Variants in AGPAT4 observed in about 807,000 individuals in gnomAD.
The protein encoded by AGPAT4 is 1-acylglycerol-3-phosphate O-acyltransferase 4.
In AGPAT4, 15 loss-of-function variants were observed where a neutral mutation model predicts 48.0. The observed-to-expected ratio is 0.31, with a 90% CI of 0.21 to 0.48. AGPAT4 has a LOEUF of 0.48. AGPAT4 is among the 20% of genes least tolerant of loss of function. The pLI, the probability that AGPAT4 is intolerant of heterozygous loss-of-function variation, is 0.99. For missense variants in AGPAT4, 314 were observed against 482.5 expected (o/e 0.65, Z 3.27); for synonymous variants, 178 against 198.7 (o/e 0.90, Z 0.88).
rs3839453 is a variant in AGPAT4, at chr6:161,219,946, GCAGA to G, written c.178+12086_178+12089del. Among the ~76,000 whole-genome samples, 111 of 143,846 alleles carry G rather than the reference GCAGA, an allele frequency of 7.7e-4. No homozygotes were observed. Among genetic ancestry groups the G allele is most frequent in the Middle Eastern group, 3.6e-3 (1 of 280 alleles). The allele number at this position is 143,846 out of a possible 152,430, so 94.4% of individuals were successfully genotyped here. On this transcript the variant is annotated intron_variant, in intron 2 of 8. Transcript: ENST00000320285. The surrounding 1 kb of genome is among the most constrained non-coding windows in gnomAD (Gnocchi z 4.9). ...GGCAGGCAGGCAGGCAGGCAGGCAG[GCAGA>G]CAGACAGACAGACAGACAGGCAGGC...
In AGPAT4 at chr6:161,242,614, A is replaced by G. The variant is rs1171437836; in HGVS notation, c.-89-10312T>C. Among the ~76,000 whole-genome samples, 1 of 152,182 alleles carries G rather than the reference A, an allele frequency of 6.6e-6. No homozygotes were observed. Among genetic ancestry groups the G allele is most frequent in the East Asian group, 1.9e-4 (1 of 5,186 alleles). On this transcript the variant is annotated intron_variant, in intron 1 of 8. Coordinates refer to ENST00000320285, the MANE Select transcript of AGPAT4 (RefSeq NM_020133.3). This position sits in a 1 kb window ranked among gnomAD's most constrained non-coding sequence, Gnocchi z 5.0. ...CGAGGGTGTATGAGCTATTTTAAAC[A>G]ATGCTCAGCAGAGGCATATTTTAAA...
chr6:161,165,469 T>C lies in AGPAT4; in HGVS notation c.348+779A>G. 1.6e-6 allele frequency: 1 copy of C among 627,492 alleles called. No individual in the cohort carries two copies. The highest frequency in any genetic ancestry group is 1.9e-5 in the African/African-American group (1 of 52,050). The allele number at this position is 627,492 out of a possible 1,614,324, so 38.9% of individuals were successfully genotyped here. On this transcript the variant is annotated intron_variant, in intron 3 of 8. Coordinates refer to ENST00000320285, the MANE Select transcript of AGPAT4 (RefSeq NM_020133.3). This position sits in a 1 kb window ranked among gnomAD's most constrained non-coding sequence, Gnocchi z 5.5. ...GCCCCCGTATCTGTTCTACAGGGCA[T>C]TGTTCCCAGGTGCAAAACCTGATCT...
chr6:161,252,363 G>A (rs1179546227), intron 1 of AGPAT4, among the ~76,000 whole-genome samples: 1 of 152,188 alleles, frequency 6.6e-6, no homozygotes, highest in East Asian at 1.9e-4. Context: ...GATGAATTCT[G>A]TGTGTCTTGA....
At chr6:161,203,782 A>C (rs1162604504) in intron 2 of AGPAT4, among the ~76,000 whole-genome samples, 1 of 152,102 alleles carries the variant, frequency 6.6e-6, no homozygotes, top group East Asian at 1.9e-4. Flanking sequence ...ACTGGTTTGA[A>C]GTCCTCTTGT....
chr6:161,271,854 G>A (rs916189467), intron 1 of AGPAT4, among the ~76,000 whole-genome samples: 1 of 152,186 alleles, frequency 6.6e-6, no homozygotes, highest in African/African-American at 2.4e-5. Flanking sequence ...GCTTTGGAAG[G>A]TCATGTGGCA....
Position 161,147,531 on chromosome 6 carries a change from T to C in AGPAT4, c.768-932A>G, listed in dbSNP as rs975760221. 2.0e-5 allele frequency among the ~76,000 whole-genome samples: 3 copies of C among 152,220 alleles called. No homozygotes were observed. Among genetic ancestry groups the C allele is most frequent in the African/African-American group, 7.2e-5 (3 of 41,462 alleles). On this transcript the variant is annotated intron_variant, in intron 6 of 8. Coordinates refer to ENST00000320285, the MANE Select transcript of AGPAT4 (RefSeq NM_020133.3). This position sits in a 1 kb window ranked among gnomAD's most constrained non-coding sequence, Gnocchi z 4.8. The stretch of plus-strand genomic sequence containing the variant: ...GTTTATCTATCACACTAGAGTCTGT[T>C]AAGAGATAAAGGATGGGATTCCATC...
chr6:161,263,623 T>C (rs1345667205), intron 1 of AGPAT4, among the ~76,000 whole-genome samples: 1 of 152,184 alleles, frequency 6.6e-6, no homozygotes, highest in African/African-American at 2.4e-5. Flanking sequence ...TAGGCACATT[T>C]AAAATATCTC....
At position 161,139,332 on chromosome 6, in the gene AGPAT4, G is replaced by C. The variant is rs1204682710; in HGVS notation, c.1042+90C>G. On this transcript the variant is annotated intron_variant, in intron 8 of 8. Coordinates refer to ENST00000320285, the MANE Select transcript of AGPAT4 (RefSeq NM_020133.3). This position sits in a 1 kb window ranked among gnomAD's most constrained non-coding sequence, Gnocchi z 9.1. ...CCTGCTCCTCATCCACGGCACAACT[G>C]CCTATACAGATGGCCTTCGTCCCAG... is the stretch of plus-strand genomic sequence containing the variant. 2 of 1,405,986 alleles carry C rather than the reference G, an allele frequency of 1.4e-6. No homozygotes were observed. Among genetic ancestry groups the C allele is most frequent in the East Asian group, 4.6e-5 (2 of 43,558 alleles). 87.1% of individuals were successfully genotyped at this position (1,405,986 alleles called of 1,614,324 possible).
In AGPAT4 at chr6:161,242,590, G is replaced by A. The variant is rs1782524328; in HGVS notation, c.-89-10288C>T. On this transcript the variant is annotated intron_variant, in intron 1 of 8. Transcript: ENST00000320285. The surrounding 1 kb of genome is among the most constrained non-coding windows in gnomAD (Gnocchi z 5.0). Reference sequence around the variant, plus strand: ...CTGGCTAGATGCATTTCCAACAACCGAGGGTGTATGAGCTATTTTAAACAA... The same window carrying A: ...CTGGCTAGATGCATTTCCAACAACCAAGGGTGTATGAGCTATTTTAAACAA... 6.6e-6 allele frequency among the ~76,000 whole-genome samples: 1 copy of A among 152,112 alleles called. No individual in the cohort carries two copies. Among genetic ancestry groups the A allele is most frequent in the South Asian group, 2.1e-4 (1 of 4,826 alleles).
rs1781715506 is a variant in AGPAT4, at chr6:161,218,434, G to T, written c.178+13602C>A. On this transcript the variant is annotated intron_variant, in intron 2 of 8. Coordinates refer to ENST00000320285, the MANE Select transcript of AGPAT4 (RefSeq NM_020133.3). The surrounding 1 kb of genome is among the most constrained non-coding windows in gnomAD (Gnocchi z 4.7). ...CTGGCATGATGGTCTGACTAAGTGGGGAAATCACAGCAAGAATACCTTTAC... is the reference window on the plus strand; with the variant it reads ...CTGGCATGATGGTCTGACTAAGTGGTGAAATCACAGCAAGAATACCTTTAC... 6.6e-6 allele frequency among the ~76,000 whole-genome samples: 1 copy of T among 152,104 alleles called. No individual in the cohort carries two copies. Among genetic ancestry groups the T allele is most frequent in the Non-Finnish European group, 1.5e-5 (1 of 68,030 alleles).
chr6:161,199,267 C>A (rs1781155283), intron 2 of AGPAT4, among the ~76,000 whole-genome samples: 2 of 152,146 alleles, frequency 1.3e-5, no homozygotes, highest in Admixed American at 1.3e-4. Flanking sequence ...TCTTGTCATG[C>A]CCGCCCCTCC....
At chr6:161,156,957 A>G (rs147390683) in intron 3 of AGPAT4, among the ~76,000 whole-genome samples, 2,165 of 152,346 alleles carry the variant, frequency 0.014, 45 homozygotes, top group Middle Eastern at 0.065. Flanking sequence ...AGTTAATTTA[A>G]TATCTATAGA....
chr6:161,170,485 A>G (rs867031765), intron 2 of AGPAT4, among the ~76,000 whole-genome samples: 12 of 127,184 alleles, frequency 9.4e-5, no homozygotes, highest in African/African-American at 2.4e-4. Flanking sequence ...ACACACACAC[A>G]CACACACACA....
Position 161,254,166 on chromosome 6 carries a change from T to A in AGPAT4, c.-90+19772A>T, listed in dbSNP as rs1386268445. ...CTTGGTCAATATATTTAACTTTTTT[T>A]AAAAAAAGAAAAACTTTTCTACTGC... On this transcript the variant is annotated intron_variant, in intron 1 of 8. Transcript: ENST00000320285. The surrounding 1 kb of genome is among the most constrained non-coding windows in gnomAD (Gnocchi z 5.9). Among the ~76,000 whole-genome samples the A allele has an allele frequency of 6.6e-6, 1 of 152,160 alleles. No individual in the cohort carries two copies. Among genetic ancestry groups the A allele is most frequent in the African/African-American group, 2.4e-5 (1 of 41,448 alleles).
At chr6:161,176,695 G>A (rs989136694) in intron 2 of AGPAT4, among the ~76,000 whole-genome samples, 4 of 152,118 alleles carry the variant, frequency 2.6e-5, no homozygotes, top group African/African-American at 9.7e-5. Context: ...GATGTTAGCT[G>A]GTTATTTTGC....
Position 161,238,087 on chromosome 6 carries a change from T to TGG in AGPAT4, c.-89-5787_-89-5786dup, listed in dbSNP as rs1334546638. The stretch of plus-strand genomic sequence containing the variant: ...GGGGGTGGGGGGGTAATGGGGGGGT[T>TGG]GGGGGGCGGGAGGCAGAATGCAGCA... On this transcript the variant is annotated intron_variant, in intron 1 of 8. Coordinates refer to ENST00000320285, the MANE Select transcript of AGPAT4 (RefSeq NM_020133.3). The surrounding 1 kb of genome is among the most constrained non-coding windows in gnomAD (Gnocchi z 5.2). 3.3e-4 allele frequency among the ~76,000 whole-genome samples: 1 copy of TGG among 3,066 alleles called. No homozygotes were observed. Among genetic ancestry groups the TGG allele is most frequent in the Non-Finnish European group, 6.4e-4 (1 of 1,562 alleles). The allele number at this position is 3,066 out of a possible 152,430, so 2.0% of individuals were successfully genotyped here.
rs1401744826 is a variant in AGPAT4, at chr6:161,219,921, G to GGCAC, written c.178+12114_178+12115insGTGC. The stretch of plus-strand genomic sequence containing the variant: ...CAGGCAGGCAGGCAGGCAGGCGGCA[G>GGCAC]GCAGGCAGGCAGGCAGGCAGGCAGG... On this transcript the variant is annotated intron_variant, in intron 2 of 8. Transcript: ENST00000320285. The surrounding 1 kb of genome is among the most constrained non-coding windows in gnomAD (Gnocchi z 4.9). 4.4e-5 allele frequency among the ~76,000 whole-genome samples: 5 copies of GGCAC among 114,580 alleles called. No homozygotes were observed. Among genetic ancestry groups the GGCAC allele is most frequent in the Non-Finnish European group, 8.7e-5 (5 of 57,778 alleles). 75.2% of individuals were successfully genotyped at this position (114,580 alleles called of 152,430 possible). A position where few individuals can be genotyped will look rare whatever the true frequency, so the allele number is the denominator to read the frequency against.
At position 161,196,025 on chromosome 6, in the gene AGPAT4, C is replaced by T. The variant is rs1236892528; in HGVS notation, c.179-29608G>A. On this transcript the variant is annotated intron_variant, in intron 2 of 8. Coordinates refer to ENST00000320285, the MANE Select transcript of AGPAT4 (RefSeq NM_020133.3). The surrounding 1 kb of genome is among the most constrained non-coding windows in gnomAD (Gnocchi z 4.3). ...TCACGTGCTGGATATTCTAGAGCCC[C>T]TGAAGGTGCCAGGACTTTAGGATTT... 1.3e-5 allele frequency among the ~76,000 whole-genome samples: 2 copies of T among 152,204 alleles called. No individual in the cohort carries two copies. The highest frequency in any genetic ancestry group is 2.9e-5 in the Non-Finnish European group (2 of 68,046).
rs1258429425 is a variant in AGPAT4, at chr6:161,184,999, T to C, written c.179-18582A>G. Among the ~76,000 whole-genome samples the C allele has an allele frequency of 1.3e-5, 2 of 152,044 alleles. No homozygotes were observed. The highest frequency in any genetic ancestry group is 4.8e-5 in the African/African-American group (2 of 41,408). On this transcript the variant is annotated intron_variant, in intron 2 of 8. Coordinates refer to ENST00000320285, the MANE Select transcript of AGPAT4 (RefSeq NM_020133.3). The surrounding 1 kb of genome is among the most constrained non-coding windows in gnomAD (Gnocchi z 4.8). ...GAGCACAGGAGGTTCTACGAGGCAG[T>C]GCTGGGCTTTTCACAAATTAAGGAA...
Sources: gnomAD v4.1 joint callset for allele counts (sites outside exome capture counted in the v4.1 genomes callset) on GRCh38, gnomAD v4.1.1 for gene constraint, Gnocchi (gnomAD v3.1) non-coding constraint, MANE v1.5 for transcripts, NCBI Gene and HGNC (gene_info 2026-07-23, HGNC 2026-07-21) for gene names.